Variants in CCSER1 observed in about 807,000 individuals in gnomAD.
CCSER1 encodes coiled-coil serine rich protein 1.
Under a neutral mutation model 82.0 loss-of-function variants are expected in CCSER1, and 41 were observed. The observed-to-expected ratio is 0.50, with a 90% CI of 0.39 to 0.65. The LOEUF (loss-of-function observed/expected upper bound fraction) is 0.65, where lower values mean the gene tolerates loss of function less well. Among genes scored for constraint, CCSER1 ranks in the 30% least tolerant of loss-of-function variants. The pLI is 0.00. For missense variants in CCSER1, 1,119 were observed against 1,064.2 expected, an observed-to-expected ratio of 1.05 and a Z score of -0.72; for synonymous variants, 414 against 383.9, an observed-to-expected ratio of 1.08 and a Z score of -0.92.
intron 5 of CCSER1, among the ~76,000 whole-genome samples, chr4:90,531,396 C>CTTTTTTTTT (rs77768534): frequency 7.7e-6 from 1 of 130,202 alleles, no homozygotes. Flanking sequence ...CTGCAGGTTT[C>CTTTTTTTTT]TTTTTTTTTT....
chr4:90,887,666 G>A (rs768538817), intron 8 of CCSER1, among the ~76,000 whole-genome samples: 35 of 152,084 alleles, frequency 2.3e-4, no homozygotes, highest in Non-Finnish European at 2.9e-4. Flanking sequence ...GGCAGATCAC[G>A]AGGTCAAGAG....
chr4:91,484,031 T>C (rs1352024733), intron 10 of CCSER1, among the ~76,000 whole-genome samples: 1 of 147,098 alleles, frequency 6.8e-6, no homozygotes, highest in Non-Finnish European at 1.5e-5. Context: ...ATAAGCACTG[T>C]TGAGTCTTAT....
At chr4:91,346,910 A>G (rs367995217) in intron 10 of CCSER1, among the ~76,000 whole-genome samples, 47 of 152,236 alleles carry the variant, frequency 3.1e-4, no homozygotes, top group East Asian at 2.5e-3. Context: ...CTTTGAAAAT[A>G]TATTTTCCTA....
At chr4:90,418,590 A>AT (rs1756166722) in intron 4 of CCSER1, among the ~76,000 whole-genome samples, 1 of 152,046 alleles carries the variant, frequency 6.6e-6, no homozygotes, top group Admixed American at 6.6e-5. Flanking sequence ...ATAGGAATAA[A>AT]TATCCCAGCT....
intron 10 of CCSER1, among the ~76,000 whole-genome samples, chr4:91,400,098 G>A (rs1244996950): frequency 3.3e-5 from 5 of 151,932 alleles, no homozygotes; most frequent in African/African-American, 1.2e-4. Context: ...TAAAATTTCT[G>A]TTTCACTAAG....
At chr4:91,089,781 C>T (rs1448859358) in intron 10 of CCSER1, among the ~76,000 whole-genome samples, 2 of 152,138 alleles carry the variant, frequency 1.3e-5, no homozygotes, top group Admixed American at 6.5e-5. Flanking sequence ...GGATCAAATC[C>T]GTGCCACACT....
At chr4:90,225,890 C>T (rs1743075000) in intron 1 of CCSER1, among the ~76,000 whole-genome samples, 1 of 152,144 alleles carries the variant, frequency 6.6e-6, no homozygotes, top group Non-Finnish European at 1.5e-5. Flanking sequence ...ATTTTTCCTC[C>T]TCTTGAACCC....
Position 90,328,608 on chromosome 4 carries a change from A to G in CCSER1, c.1509+15561A>G, listed in dbSNP as rs186078716. On this transcript the variant is annotated intron_variant, in intron 3 of 10. Coordinates refer to ENST00000509176, the MANE Select transcript of CCSER1 (RefSeq NM_001145065.2). ...AAGCAGCTTAAGTCAAGCAAAAGGC[A>G]GTGGCAAAAGTTGCGGGCATTGTGC... is the stretch of plus-strand genomic sequence containing the variant. Among the ~76,000 whole-genome samples the G allele has an allele frequency of 2.4e-4, 37 of 152,300 alleles. 2 individuals are homozygous for G. In the East Asian group the frequency reaches 6.6e-3, roughly 27 times the overall value.
intron 10 of CCSER1, among the ~76,000 whole-genome samples, chr4:91,215,826 G>C (rs1269166465): frequency 1.3e-5 from 2 of 152,122 alleles, no homozygotes; most frequent in African/African-American, 4.8e-5. Flanking sequence ...ACCCAATGAT[G>C]ATCTATGCTA....
At chr4:90,776,305 G>A (rs1228022867) in intron 7 of CCSER1, among the ~76,000 whole-genome samples, 7 of 152,146 alleles carry the variant, frequency 4.6e-5, no homozygotes, top group African/African-American at 1.4e-4. Context: ...AAAGACAAGG[G>A]AGATGTGTTG....
chr4:90,922,315 G>T (rs139175497), intron 8 of CCSER1, among the ~76,000 whole-genome samples: 2 of 151,906 alleles, frequency 1.3e-5, no homozygotes, highest in Non-Finnish European at 2.9e-5. Flanking sequence ...AAGAGGGAAG[G>T]GGAAGGAACA....
chr4:91,596,068 G>T (rs73836295), intron 10 of CCSER1, among the ~76,000 whole-genome samples: 15,083 of 151,102 alleles, frequency 0.1, 765 homozygotes, highest in Middle Eastern at 0.16. Flanking sequence ...AGAGTAAGAA[G>T]CCCCATCTTG....
At chr4:90,565,222 T>A (rs915461068) in intron 5 of CCSER1, among the ~76,000 whole-genome samples, 1 of 152,006 alleles carries the variant, frequency 6.6e-6, no homozygotes, top group Non-Finnish European at 1.5e-5. Context: ...ATTTTAAGTG[T>A]ACAGATATTT....
At chr4:90,314,951 A>T (rs1342574812) in intron 3 of CCSER1, among the ~76,000 whole-genome samples, 1 of 148,372 alleles carries the variant, frequency 6.7e-6, no homozygotes, top group Non-Finnish European at 1.5e-5. Context: ...AGTTCAAGCA[A>T]TTCTCCTGCC....
intron 9 of CCSER1, among the ~76,000 whole-genome samples, chr4:90,996,901 C>T (rs975071652): frequency 1.3e-5 from 2 of 152,000 alleles, no homozygotes; most frequent in Non-Finnish European, 2.9e-5. Context: ...ACCATTCACC[C>T]CTTAAAGGAC....
At chr4:90,386,548 A>C (rs1453451970) in intron 3 of CCSER1, among the ~76,000 whole-genome samples, 2 of 152,160 alleles carry the variant, frequency 1.3e-5, no homozygotes, top group African/African-American at 4.8e-5. Flanking sequence ...ATACCCTAAA[A>C]ATTCTAAAAG....
intron 7 of CCSER1, among the ~76,000 whole-genome samples, chr4:90,759,270 G>A (rs1750061390): frequency 6.6e-6 from 1 of 152,098 alleles, no homozygotes; most frequent in Non-Finnish European, 1.5e-5. Context: ...TAATCTGAAG[G>A]CAAGAATGAC....
chr4:90,319,524 G>A (rs537075099), intron 3 of CCSER1, among the ~76,000 whole-genome samples: 7 of 152,074 alleles, frequency 4.6e-5, no homozygotes, highest in African/African-American at 9.7e-5. Flanking sequence ...GGTGGCACGC[G>A]CCTGTAGTCC....
At chr4:90,961,451 A>G (rs1269912018) in intron 9 of CCSER1, among the ~76,000 whole-genome samples, 1 of 152,200 alleles carries the variant, frequency 6.6e-6, no homozygotes, top group African/African-American at 2.4e-5. Context: ...GTACATGTCT[A>G]TACCTATATT....
Sources: allele counts gnomAD v4.1 joint callset (sites outside exome capture counted in the v4.1 genomes callset), GRCh38; gene constraint gnomAD v4.1.1; transcripts MANE v1.5; gene names NCBI Gene and HGNC (gene_info 2026-07-23, HGNC 2026-07-21).